Variants in PALLD observed in about 807,000 individuals in gnomAD.
The protein encoded by PALLD is palladin, cytoskeletal associated protein.
A neutral mutation model predicts 123.5 loss-of-function variants in PALLD; 61 were observed. That is an observed-to-expected ratio of 0.49 (90% CI 0.40 to 0.61). PALLD has a LOEUF of 0.61. Ranked by LOEUF, PALLD falls within the 20% of genes least tolerant of loss-of-function variation. The pLI is 0.00. For synonymous variants in PALLD, 465 were observed against 496.4 expected, an observed-to-expected ratio of 0.94 and a Z score of 0.84; for missense variants, 1,273 against 1,377.0, an observed-to-expected ratio of 0.92 and a Z score of 1.20.
At chr4:168,584,053 A>C (rs1170418546) in intron 2 of PALLD, among the ~76,000 whole-genome samples, 1 of 152,228 alleles carries the variant, frequency 6.6e-6, no homozygotes, top group African/African-American at 2.4e-5. Flanking sequence ...ATGGCACATA[A>C]AGTGTCTAAC....
At chr4:168,749,761 C>G (rs1312426543) in intron 10 of PALLD, among the ~76,000 whole-genome samples, 1 of 152,038 alleles carries the variant, frequency 6.6e-6, no homozygotes, top group Non-Finnish European at 1.5e-5. Context: ...GGTACACGTG[C>G]AGATTTGTTA....
In PALLD at chr4:168,878,327, C is replaced by G. The variant is rs1703807630; in HGVS notation, c.1965-12595C>G. The G allele has an allele frequency of 6.6e-7, 1 of 1,523,246 alleles. No homozygotes were observed. The highest frequency in any genetic ancestry group is 8.8e-7 in the Non-Finnish European group (1 of 1,141,928). The allele number at this position is 1,523,246 out of a possible 1,614,324, so 94.4% of individuals were successfully genotyped here. ...GACGCCCGCGGCCTTCCTCAGCGCT[C>G]TGCTGCCCTCGCAGCCGCCGCCGGC... On this transcript the variant is annotated intron_variant, in intron 10 of 21. Coordinates refer to ENST00000505667, the MANE Select transcript of PALLD (RefSeq NM_001166108.2).
At chr4:168,718,551 A>G (rs1162958115) in intron 10 of PALLD, among the ~76,000 whole-genome samples, 1 of 152,248 alleles carries the variant, frequency 6.6e-6, no homozygotes, top group East Asian at 1.9e-4. Context: ...TTTTCAACTT[A>G]AATTTGTTTT....
At chr4:168,554,883 G>T (rs1016084820) in intron 2 of PALLD, among the ~76,000 whole-genome samples, 1 of 151,906 alleles carries the variant, frequency 6.6e-6, no homozygotes, top group African/African-American at 2.4e-5. Context: ...ATACTATCAT[G>T]TTTATACTAT....
intron 10 of PALLD, among the ~76,000 whole-genome samples, chr4:168,785,247 G>A (rs1456287574): frequency 1.3e-5 from 2 of 151,924 alleles, no homozygotes; most frequent in South Asian, 2.1e-4. Context: ...GTGCGCTCTC[G>A]GATGCTAGCT....
At chr4:168,690,872 C>G in intron 7 of PALLD, 128 bp downstream of exon 7, 1 of 984,288 alleles carries the variant, frequency 1.0e-6, no homozygotes, top group Non-Finnish European at 1.6e-6. Context: ...ATCAGATAAT[C>G]TACAGTGTGT....
intron 18 of PALLD, among the ~76,000 whole-genome samples, chr4:168,922,096 T>TACACACAC (rs1464630467): frequency 2.5e-4 from 26 of 104,888 alleles, no homozygotes; most frequent in African/African-American, 7.4e-4. Flanking sequence ...TATATATATA[T>TACACACAC]ATATATACAC....
intron 10 of PALLD, among the ~76,000 whole-genome samples, chr4:168,889,110 C>T (rs1753772246): frequency 6.9e-6 from 1 of 144,330 alleles, no homozygotes; most frequent in Non-Finnish European, 1.5e-5. Flanking sequence ...GACGCTTTGG[C>T]AGTAAAGTTT....
rs372611032 is a variant in PALLD, at chr4:168,535,342, T to C, written c.908+22930T>C. On this transcript the variant is annotated intron_variant, in intron 2 of 21. Transcript: ENST00000505667. ...ATGGGAGAGAGGGTGGATTACCACTTAATAGATGAGTAAACTGAGGTTCAA... is the reference window on the plus strand; with the variant it reads ...ATGGGAGAGAGGGTGGATTACCACTCAATAGATGAGTAAACTGAGGTTCAA... Among the ~76,000 whole-genome samples, 278 of 152,320 alleles carry C rather than the reference T, an allele frequency of 1.8e-3. 1 individual carries two copies. Among genetic ancestry groups the C allele is most frequent in the African/African-American group, 6.3e-3 (263 of 41,576 alleles).
chr4:168,638,782 C>T (rs1776597379), intron 2 of PALLD, among the ~76,000 whole-genome samples: 1 of 152,018 alleles, frequency 6.6e-6, no homozygotes, highest in East Asian at 1.9e-4. Context: ...ACCTAATCAC[C>T]TCCCAGAAGG....
rs749789316 is a variant in PALLD, at chr4:168,539,090, AC to A, written c.908+26680del. Among the ~76,000 whole-genome samples, 51 of 152,332 alleles carry A rather than the reference AC, an allele frequency of 3.3e-4. 1 individual carries two copies. The highest frequency in any genetic ancestry group is 8.5e-4 in the Admixed American group (13 of 15,300). On this transcript the variant is annotated intron_variant, in intron 2 of 21. Transcript: ENST00000505667. Reference sequence around the variant, plus strand: ...TGAAATTGTTAAGAACATTGTGAGTACCTACTACCTGAGGGATGAATTTCAA... The same window carrying A: ...TGAAATTGTTAAGAACATTGTGAGTACTACTACCTGAGGGATGAATTTCAA...
At chr4:168,727,661 C>T (rs1203822387) in intron 10 of PALLD, among the ~76,000 whole-genome samples, 2 of 152,122 alleles carry the variant, frequency 1.3e-5, no homozygotes, top group Admixed American at 6.5e-5. Context: ...TGTAGGTTGT[C>T]TGTTTACACT....
intron 8 of PALLD, among the ~76,000 whole-genome samples, chr4:168,698,237 G>A (rs1298430656): frequency 6.6e-6 from 1 of 152,186 alleles, no homozygotes; most frequent in Non-Finnish European, 1.5e-5. Context: ...GATGCAGATG[G>A]TTAATTGGTA....
At chr4:168,615,783 C>T (rs1242910495) in intron 2 of PALLD, among the ~76,000 whole-genome samples, 3 of 152,134 alleles carry the variant, frequency 2.0e-5, no homozygotes, top group Non-Finnish European at 1.5e-5. Context: ...CATTCCGAAT[C>T]CCACCAGTGA....
chr4:168,824,573 TATC>T (rs1743156865), intron 10 of PALLD, among the ~76,000 whole-genome samples: 1 of 152,068 alleles, frequency 6.6e-6, no homozygotes, highest in Admixed American at 6.5e-5. Context: ...AACAGACAAA[TATC>T]ATATACTAAT....
At chr4:168,641,247 C>G (rs1046971747) in intron 2 of PALLD, among the ~76,000 whole-genome samples, 5 of 151,084 alleles carry the variant, frequency 3.3e-5, no homozygotes, top group Non-Finnish European at 7.4e-5. Flanking sequence ...GGCCCTGGCT[C>G]TAAGACATAC....
intron 10 of PALLD, among the ~76,000 whole-genome samples, chr4:168,824,968 C>T (rs1743227058): frequency 6.6e-6 from 1 of 151,906 alleles, no homozygotes; most frequent in African/African-American, 2.4e-5. Flanking sequence ...ACTACAGACG[C>T]ACACCACCAC....
chr4:168,604,121 C>G (rs1488020141), intron 2 of PALLD, among the ~76,000 whole-genome samples: 2 of 152,032 alleles, frequency 1.3e-5, no homozygotes, highest in Admixed American at 1.3e-4. Context: ...CAGTGAGAAA[C>G]AAGAAGGGAA....
At chr4:168,711,386 A>G (rs1309170397) in intron 9 of PALLD, among the ~76,000 whole-genome samples, 195 bp from the exon 10 acceptor site, 2 of 152,180 alleles carry the variant, frequency 1.3e-5, no homozygotes, top group Non-Finnish European at 2.9e-5. Context: ...AAACGGTAGC[A>G]CTCGTTCAAA....
Sources: gnomAD v4.1 joint callset for allele counts (sites outside exome capture counted in the v4.1 genomes callset) on GRCh38, gnomAD v4.1.1 for gene constraint, MANE v1.5 for transcripts, NCBI Gene and HGNC (gene_info 2026-07-23, HGNC 2026-07-21) for gene names.